The following PARD3B variants were observed in gnomAD, a reference collection of about 807,000 sequenced individuals.
The protein encoded by PARD3B is par-3 family cell polarity regulator beta.
PARD3B carries 103 observed loss-of-function variants against 130.2 expected under a neutral mutation model. The observed-to-expected ratio is 0.79, with a 90% CI of 0.67 to 0.93. PARD3B has a LOEUF of 0.93. Ranked by LOEUF, PARD3B falls within the 40% of genes least tolerant of loss-of-function variation. The probability of loss-of-function intolerance (pLI) is 0.00; values close to 1 mark genes in which losing one functional copy is unlikely to be tolerated. For missense variants in PARD3B, 1,609 were observed against 1,499.2 expected (o/e 1.07, Z -1.21); for synonymous variants, 583 against 553.2 (o/e 1.05, Z -0.76).
chr2:205,581,228 G>A (rs376968548), intron 22 of PARD3B, among the ~76,000 whole-genome samples: 3 of 49,156 alleles, frequency 6.1e-5, no homozygotes, highest in South Asian at 9.0e-4. Context: ...TGTGGGGTGG[G>A]GAGATATATA....
At chr2:205,320,198 G>A (rs1207663225) in intron 18 of PARD3B, among the ~76,000 whole-genome samples, 3 of 136,744 alleles carry the variant, frequency 2.2e-5, no homozygotes, top group Non-Finnish European at 4.7e-5. Context: ...AGAGAGGAAG[G>A]GAAGGGAGGG....
chr2:205,107,748 A>G (rs1361141937), intron 5 of PARD3B, among the ~76,000 whole-genome samples: 1 of 152,242 alleles, frequency 6.6e-6, no homozygotes, highest in African/African-American at 2.4e-5. Flanking sequence ...TATTTAAAAT[A>G]ACATTTAAAA....
chr2:205,273,786 C>T (rs774366176), intron 16 of PARD3B, among the ~76,000 whole-genome samples: 2 of 152,192 alleles, frequency 1.3e-5, no homozygotes, highest in African/African-American at 2.4e-5. Flanking sequence ...ACAATGTATA[C>T]AGTCGCACCG....
At chr2:204,808,371 A>G (rs1471908829) in intron 2 of PARD3B, among the ~76,000 whole-genome samples, 2 of 152,112 alleles carry the variant, frequency 1.3e-5, no homozygotes, top group Non-Finnish European at 2.9e-5. Flanking sequence ...AGGAGTACAC[A>G]TACAGGTTTA....
rs189728011 is a variant in PARD3B at position 205,001,513 on chromosome 2, C to G, written c.394+36190C>G. Among the ~76,000 whole-genome samples, 408 of 152,356 alleles carry G rather than the reference C, an allele frequency of 2.7e-3. 6 individuals are homozygous for G. The highest frequency in any genetic ancestry group is 0.022 in the Admixed American group (336 of 15,304). Reference sequence around the variant, plus strand: ...CCAGAACAATAGCTTTACTGGGAGACTCTGACCCAGTGTGACAGGCACCGT... The same window carrying G: ...CCAGAACAATAGCTTTACTGGGAGAGTCTGACCCAGTGTGACAGGCACCGT... On this transcript the variant is annotated intron_variant, in intron 3 of 22. Coordinates refer to ENST00000406610, the MANE Select transcript of PARD3B (RefSeq NM_001302769.2).
rs1328754942 is a variant in PARD3B, at chr2:204,942,577, C to T, written c.223-22575C>T. Among the ~76,000 whole-genome samples the T allele has an allele frequency of 4.0e-5, 6 of 151,338 alleles. No individual in the cohort carries two copies. The South Asian group carries it at 6.3e-4, about 16-fold the overall frequency. ...AACCTCTTTCCACAAATTTGGACAT[C>T]GTAACAAAGCTTTAACTTTCTTTTT... is the stretch of plus-strand genomic sequence containing the variant. On this transcript the variant is annotated intron_variant, in intron 2 of 22. Coordinates refer to ENST00000406610, the MANE Select transcript of PARD3B (RefSeq NM_001302769.2).
chr2:205,471,899 CTAT>C (rs1341622496), intron 20 of PARD3B, among the ~76,000 whole-genome samples: 1 of 152,070 alleles, frequency 6.6e-6, no homozygotes, highest in Non-Finnish European at 1.5e-5. Context: ...AGGAGATTCT[CTAT>C]TGTTGTCAGG....
intron 4 of PARD3B, among the ~76,000 whole-genome samples, chr2:205,064,282 G>T (rs1273620439): frequency 6.6e-6 from 1 of 152,068 alleles, no homozygotes; most frequent in African/African-American, 2.4e-5. Context: ...AGATGCAGCT[G>T]TGCTTCAGGA....
At chr2:204,609,061 C>T (rs1226971248) in intron 1 of PARD3B, among the ~76,000 whole-genome samples, 1 of 152,110 alleles carries the variant, frequency 6.6e-6, no homozygotes, top group Non-Finnish European at 1.5e-5. Flanking sequence ...TTTATTCAGA[C>T]TTTTGTTTTT....
At chr2:205,083,603 T>C (rs1309116472) in intron 4 of PARD3B, among the ~76,000 whole-genome samples, 1 of 146,798 alleles carries the variant, frequency 6.8e-6, no homozygotes, top group South Asian at 2.1e-4. Flanking sequence ...TTGATTCTTC[T>C]TTTTTTTTTT....
chr2:205,541,505 C>T (rs371553143), intron 21 of PARD3B, among the ~76,000 whole-genome samples: 23 of 152,174 alleles, frequency 1.5e-4, no homozygotes, highest in African/African-American at 4.8e-4. Context: ...TGTACCACCA[C>T]GCCCAGATAA....
chr2:204,858,002 C>T (rs774568869), intron 2 of PARD3B, among the ~76,000 whole-genome samples: 10 of 152,134 alleles, frequency 6.6e-5, no homozygotes, highest in East Asian at 1.9e-4. Context: ...GTCTTTCAAA[C>T]GGTACTTCAA....
chr2:205,100,413 T>C lies in PARD3B; in HGVS notation c.505-4013T>C, dbSNP rs972955364. ...TGGTTAGATTGTGATACTCTCCAAA[T>C]TGATCTATGTATTCAATGCAATCCC... is the stretch of plus-strand genomic sequence containing the variant. On this transcript the variant is annotated intron_variant, in intron 4 of 22. Coordinates refer to ENST00000406610, the MANE Select transcript of PARD3B (RefSeq NM_001302769.2). Among the ~76,000 whole-genome samples, 154 of 152,098 alleles carry C rather than the reference T, an allele frequency of 1.0e-3. 2 individuals are homozygous for C. Among genetic ancestry groups the C allele is most frequent in the Non-Finnish European group, 1.1e-3 (72 of 67,968 alleles).
intron 1 of PARD3B, among the ~76,000 whole-genome samples, chr2:204,640,208 A>T (rs1296155475): frequency 6.6e-6 from 1 of 152,162 alleles, no homozygotes; most frequent in African/African-American, 2.4e-5. Context: ...GTGAGCAGTG[A>T]TCGCACCACT....
intron 3 of PARD3B, among the ~76,000 whole-genome samples, chr2:204,968,156 T>G (rs1345080898): frequency 6.6e-6 from 1 of 152,320 alleles, no homozygotes; most frequent in African/African-American, 2.4e-5. Flanking sequence ...AATAGCAAAT[T>G]TAATCTTCAT....
intron 1 of PARD3B, among the ~76,000 whole-genome samples, chr2:204,620,517 T>C (rs1559189426): frequency 6.6e-6 from 1 of 152,166 alleles, no homozygotes; most frequent in Admixed American, 6.5e-5. Flanking sequence ...TGTGATGCTG[T>C]CATGTCCTGG....
Position 205,129,276 on chromosome 2 carries a change from C to G in PARD3B, c.1434+3539C>G, listed in dbSNP as rs1165692656. ...AGAAATAAGGAAAAGCACTCTTTTTCCAGCCCAAATGCCTGCCTCGAATGC... is the reference window on the plus strand; with the variant it reads ...AGAAATAAGGAAAAGCACTCTTTTTGCAGCCCAAATGCCTGCCTCGAATGC... On this transcript the variant is annotated intron_variant, in intron 10 of 22. Transcript: ENST00000406610. Among the ~76,000 whole-genome samples, 3 of 152,196 alleles carry G rather than the reference C, an allele frequency of 2.0e-5. No homozygotes were observed. In the East Asian group the frequency reaches 5.8e-4, roughly 29 times the overall value.
At chr2:205,058,860 A>T (rs1699894654) in intron 4 of PARD3B, among the ~76,000 whole-genome samples, 1 of 151,870 alleles carries the variant, frequency 6.6e-6, no homozygotes, top group Non-Finnish European at 1.5e-5. Context: ...CAGATATATG[A>T]TTTGAAAATA....
intron 19 of PARD3B, among the ~76,000 whole-genome samples, chr2:205,426,628 A>G (rs754274660): frequency 8.3e-4 from 126 of 152,310 alleles, no homozygotes; most frequent in Non-Finnish European, 1.3e-3. Context: ...GTTTGGGTTC[A>G]TACAGTAGCA....
Sources: allele counts gnomAD v4.1 joint callset (sites outside exome capture counted in the v4.1 genomes callset), GRCh38; gene constraint gnomAD v4.1.1; transcripts MANE v1.5; gene names NCBI Gene and HGNC (gene_info 2026-07-23, HGNC 2026-07-21).